DLGAP1: variants seen among roughly 807,000 people sequenced by gnomAD.
DLGAP1 encodes disks large-associated protein 1.
Under a neutral mutation model 90.8 loss-of-function variants are expected in DLGAP1, and 11 were observed. The observed-to-expected ratio is 0.12, with a 90% CI of 0.08 to 0.20. DLGAP1 has a LOEUF of 0.20. Among genes scored for constraint, DLGAP1 ranks in the 10% least tolerant of loss-of-function variants. The pLI, the probability that DLGAP1 is intolerant of heterozygous loss-of-function variation, is 1.00. For missense variants in DLGAP1, 1,050 were observed against 1,333.8 expected, an observed-to-expected ratio of 0.79 and a Z score of 3.31; for synonymous variants, 558 against 540.7, an observed-to-expected ratio of 1.03 and a Z score of -0.44.
chr18:4,227,893 A>G (rs1243106402), intron 1 of DLGAP1, among the ~76,000 whole-genome samples: 2 of 151,852 alleles, frequency 1.3e-5, no homozygotes, highest in Non-Finnish European at 2.9e-5. Flanking sequence ...AAAACAATAC[A>G]AAAGATGACT....
At chr18:4,370,769 T>A (rs879404049) in intron 1 of DLGAP1, among the ~76,000 whole-genome samples, 1 of 5,268 alleles carries the variant, frequency 1.9e-4, no homozygotes, top group Non-Finnish European at 5.1e-4. Flanking sequence ...ATGTGTGGGT[T>A]TTTTTTTTCA....
At chr18:3,549,014 G>A (rs1042807269) in intron 9 of DLGAP1, among the ~76,000 whole-genome samples, 1 of 152,130 alleles carries the variant, frequency 6.6e-6, no homozygotes, top group Admixed American at 6.5e-5. Context: ...ACTCCAGCCC[G>A]GGCGACAGGG....
intron 8 of DLGAP1, among the ~76,000 whole-genome samples, chr18:3,573,537 T>C (rs2054931952): frequency 6.6e-6 from 1 of 152,064 alleles, no homozygotes; most frequent in Non-Finnish European, 1.5e-5. Flanking sequence ...TTTTGTAATA[T>C]TACATGCTTT....
At chr18:3,892,320 G>C (rs961639924) in intron 3 of DLGAP1, among the ~76,000 whole-genome samples, 1 of 151,894 alleles carries the variant, frequency 6.6e-6, no homozygotes, top group Non-Finnish European at 1.5e-5. Context: ...TCCCTGACCC[G>C]GCGTCCATCT....
At chr18:4,343,350 G>A (rs540419073) in intron 1 of DLGAP1, among the ~76,000 whole-genome samples, 27 of 151,078 alleles carry the variant, frequency 1.8e-4, no homozygotes, top group African/African-American at 6.1e-4. Context: ...TAGGTTCTAA[G>A]CATGCAGAAC....
intron 5 of DLGAP1, among the ~76,000 whole-genome samples, chr18:3,742,851 G>A (rs749206661): frequency 2.6e-5 from 4 of 152,084 alleles, no homozygotes; most frequent in Non-Finnish European, 5.9e-5. Flanking sequence ...GCTTTTCTTT[G>A]TATCTATTTC....
At chr18:3,806,296 A>G (rs2066556450) in intron 5 of DLGAP1, among the ~76,000 whole-genome samples, 1 of 152,238 alleles carries the variant, frequency 6.6e-6, no homozygotes, top group Admixed American at 6.5e-5. Flanking sequence ...TCATCAGAAA[A>G]TAATTTTGAC....
rs2049696637 is a variant in DLGAP1 at position 3,496,371 on chromosome 18, C to A, written c.*2814G>T. On this transcript the variant is annotated 3_prime_UTR_variant, in exon 13 of 13. Transcript: ENST00000315677. ...ATGAAAGTGGTAATGCACAGTAAAA[C>A]ATTAAGGAAACATCTATAAATAACA... The A allele has an allele frequency of 6.6e-6, 1 of 152,040 alleles. No individual in the cohort carries two copies. Among genetic ancestry groups the A allele is most frequent in the Non-Finnish European group, 1.5e-5 (1 of 67,984 alleles). The allele number at this position is 152,040 out of a possible 1,614,324, so 9.4% of individuals were successfully genotyped here.
intron 1 of DLGAP1, among the ~76,000 whole-genome samples, chr18:4,194,330 T>A (rs2077454568): frequency 6.6e-6 from 1 of 152,204 alleles, no homozygotes; most frequent in African/African-American, 2.4e-5. Context: ...AAAGCTGAAA[T>A]TTTGAAATAT....
At chr18:3,638,940 C>A (rs1291134279) in intron 7 of DLGAP1, among the ~76,000 whole-genome samples, 15 of 152,202 alleles carry the variant, frequency 9.9e-5, no homozygotes, top group Admixed American at 9.8e-4. Context: ...TTGTATAAAT[C>A]TCATTTCCTT....
chr18:4,217,898 A>G (rs1412424873), intron 1 of DLGAP1, among the ~76,000 whole-genome samples: 1 of 152,066 alleles, frequency 6.6e-6, no homozygotes, highest in Non-Finnish European at 1.5e-5. Context: ...TTTTTCTGAA[A>G]GTAGTTTTTA....
chr18:4,117,302 C>G (rs2076078142), intron 2 of DLGAP1, among the ~76,000 whole-genome samples: 1 of 152,184 alleles, frequency 6.6e-6, no homozygotes. Flanking sequence ...GTGTCCCTAG[C>G]AAATTAATAC....
intron 1 of DLGAP1, among the ~76,000 whole-genome samples, chr18:4,414,809 C>G (rs1315845225): frequency 6.6e-6 from 1 of 151,570 alleles, no homozygotes; most frequent in Non-Finnish European, 1.5e-5. Context: ...GTGGCACCTT[C>G]ATATTGTCAA....
intron 1 of DLGAP1, among the ~76,000 whole-genome samples, chr18:4,333,425 T>C (rs1462879425): frequency 6.6e-6 from 1 of 151,654 alleles, no homozygotes; most frequent in East Asian, 1.9e-4. Context: ...TTTACAACTG[T>C]CTCAGTGGCC....
intron 3 of DLGAP1, among the ~76,000 whole-genome samples, chr18:3,975,186 T>A (rs1176189877): frequency 1.3e-5 from 2 of 152,006 alleles, no homozygotes; most frequent in African/African-American, 2.4e-5. Flanking sequence ...ATGTGTTTTT[T>A]AATTACAATT....
At chr18:3,928,854 T>C (rs1001155050) in intron 3 of DLGAP1, among the ~76,000 whole-genome samples, 1 of 152,214 alleles carries the variant, frequency 6.6e-6, no homozygotes, top group South Asian at 2.1e-4. Context: ...AAATCTCATG[T>C]TGAACTGTGA....
chr18:3,543,810 C>A (rs1168795425), intron 9 of DLGAP1, among the ~76,000 whole-genome samples: 1 of 152,056 alleles, frequency 6.6e-6, no homozygotes, highest in East Asian at 1.9e-4. Context: ...ACTAATGAGA[C>A]ATTGCTAGGG....
intron 1 of DLGAP1, among the ~76,000 whole-genome samples, chr18:4,254,974 T>C (rs59724684): frequency 0.11 from 17,271 of 152,224 alleles, 1,066 homozygotes; most frequent in East Asian, 0.19. Context: ...ACGCTGAGCC[T>C]TGAAGAGGCC....
chr18:3,917,486 A>T (rs1292704982), intron 3 of DLGAP1, among the ~76,000 whole-genome samples: 1 of 152,178 alleles, frequency 6.6e-6, no homozygotes, highest in East Asian at 1.9e-4. Flanking sequence ...TCATTTCTGG[A>T]GGAGTCAGCT....
Sources: gnomAD v4.1 joint callset for allele counts (sites outside exome capture counted in the v4.1 genomes callset) on GRCh38, gnomAD v4.1.1 for gene constraint, MANE v1.5 for transcripts, NCBI Gene and HGNC (gene_info 2026-07-23, HGNC 2026-07-21) for gene names.